CDH4: variants seen among roughly 807,000 people sequenced by gnomAD.
CDH4 encodes cadherin-4.
CDH4 carries 33 observed loss-of-function variants against 86.0 expected under a neutral mutation model. That is an observed-to-expected ratio of 0.38 (90% CI 0.29 to 0.51). CDH4 has a LOEUF of 0.51. Among genes scored for constraint, CDH4 ranks in the 20% least tolerant of loss-of-function variants. CDH4 has a pLI of 0.86. For synonymous variants in CDH4, 555 were observed against 549.4 expected (o/e 1.01, Z -0.14); for missense variants, 1,114 against 1,307.4 (o/e 0.85, Z 2.28).
intron 2 of CDH4, among the ~76,000 whole-genome samples, chr20:61,318,692 G>T (rs2084491465): frequency 6.6e-6 from 1 of 152,228 alleles, no homozygotes; most frequent in African/African-American, 2.4e-5. Flanking sequence ...GAAATTAGAA[G>T]CTCAGTGAGG....
chr20:61,621,743 T>C (rs560249006), intron 2 of CDH4, among the ~76,000 whole-genome samples: 3 of 152,356 alleles, frequency 2.0e-5, no homozygotes, highest in South Asian at 2.1e-4. Flanking sequence ...CACTGAGACA[T>C]AAGATGGCTT....
At chr20:61,291,919 C>T (rs2084323603) in intron 2 of CDH4, among the ~76,000 whole-genome samples, 1 of 152,156 alleles carries the variant, frequency 6.6e-6, no homozygotes, top group African/African-American at 2.4e-5. Flanking sequence ...TCAAGTAGCC[C>T]CCCGTGTCTG....
In CDH4 at chr20:61,590,876, T is replaced by TGGGG. The variant is rs71185923; in HGVS notation, c.170-152679_170-152676dup. ...CAAAGCCTTGTCTTCCCTAAATCTA[T>TGGGG]GGGGGGGGGGGTCCCCGGGTCTCCA... On this transcript the variant is annotated intron_variant, in intron 2 of 15. Coordinates refer to ENST00000614565, the MANE Select transcript of CDH4 (RefSeq NM_001794.5). Among the ~76,000 whole-genome samples, 27 of 137,448 alleles carry TGGGG rather than the reference T, an allele frequency of 2.0e-4. 2 individuals carry two copies. The highest frequency in any genetic ancestry group is 4.5e-4 in the East Asian group (2 of 4,478). 90.2% of individuals were successfully genotyped at this position (137,448 alleles called of 152,430 possible). A position where few individuals can be genotyped will look rare whatever the true frequency, so the allele number is the denominator to read the frequency against.
In CDH4 at chr20:61,924,323, G is replaced by C; in HGVS notation, c.1629-11G>C. 6.2e-7 allele frequency: 1 copy of C among 1,601,390 alleles called. No individual in the cohort carries two copies. Among genetic ancestry groups the C allele is most frequent in the Non-Finnish European group, 8.5e-7 (1 of 1,173,932 alleles). On this transcript the variant is annotated splice_polypyrimidine_tract_variant and intron_variant, in intron 10 of 15. Coordinates refer to ENST00000614565, the MANE Select transcript of CDH4 (RefSeq NM_001794.5). ...CAGCCTTACCTCCCCCTGCACTTGT[G>C]GTCTCCGCAGATACTCAAAGCTGTC...
chr20:61,578,064 C>G (rs1166140506), intron 2 of CDH4, among the ~76,000 whole-genome samples: 1 of 152,192 alleles, frequency 6.6e-6, no homozygotes, highest in African/African-American at 2.4e-5. Context: ...CTTGGCAAAT[C>G]TCTCTGTGTC....
chr20:61,753,069 AGTTCTGATGGGG>A (rs1373727121), intron 3 of CDH4, among the ~76,000 whole-genome samples: 2 of 152,114 alleles, frequency 1.3e-5, no homozygotes, highest in African/African-American at 4.8e-5. Flanking sequence ...AGAAGGTGGG[AGTTCTGATGGGG>A]GCACGTGGTA....
chr20:61,700,691 G>A, intron 2 of CDH4, among the ~76,000 whole-genome samples: 1 of 152,002 alleles, frequency 6.6e-6, no homozygotes, highest in South Asian at 2.1e-4. Context: ...CCTCCCTGTG[G>A]GGCCACACAT....
At chr20:61,261,700 C>A (rs74675855) in intron 2 of CDH4, among the ~76,000 whole-genome samples, 1 of 152,174 alleles carries the variant, frequency 6.6e-6, no homozygotes, top group Non-Finnish European at 1.5e-5. Context: ...ACCACTGTCA[C>A]GTGCAGACAG....
Position 61,544,597 on chromosome 20 carries a change from A to T in CDH4, c.170-198966A>T, listed in dbSNP as rs2086063793. Among the ~76,000 whole-genome samples, 2 of 151,838 alleles carry T rather than the reference A, an allele frequency of 1.3e-5. No homozygotes were observed. The highest frequency in any genetic ancestry group is 4.2e-4 in the South Asian group (2 of 4,792). ...GTTGACGGTGGCATGACCGTGTGTG[A>T]TGGGATGTGCCGGGGGCAGACAGGG... On this transcript the variant is annotated intron_variant, in intron 2 of 15. Transcript: ENST00000614565. The surrounding 1 kb of genome is among the most constrained non-coding windows in gnomAD (Gnocchi z 6.5).
chr20:61,716,239 G>C (rs1424602690), intron 2 of CDH4, among the ~76,000 whole-genome samples: 2 of 151,506 alleles, frequency 1.3e-5, no homozygotes, highest in African/African-American at 4.9e-5. Context: ...CTTGGCTGGA[G>C]CTATAAAGGG....
intron 2 of CDH4, among the ~76,000 whole-genome samples, chr20:61,539,235 G>A (rs902919089): frequency 4.6e-5 from 7 of 152,326 alleles, no homozygotes; most frequent in African/African-American, 1.4e-4. Context: ...TGAAGCCTCT[G>A]GGTCTCACCC....
chr20:61,364,119 C>T (rs192700503), intron 2 of CDH4, among the ~76,000 whole-genome samples: 5 of 152,306 alleles, frequency 3.3e-5, no homozygotes, highest in Admixed American at 6.5e-5. Flanking sequence ...AGGAAAAGGC[C>T]TGGCACCTTG....
At chr20:61,603,200 G>A (rs1359083529) in intron 2 of CDH4, among the ~76,000 whole-genome samples, 3 of 152,272 alleles carry the variant, frequency 2.0e-5, no homozygotes, top group East Asian at 1.9e-4. Context: ...GGGATGACAC[G>A]GAGTCCGTGT....
rs1348905842 is a variant in CDH4 at position 61,785,003 on chromosome 20, AAGCTCACTCG to A, written c.576+11824_576+11833del. Among the ~76,000 whole-genome samples the A allele has an allele frequency of 2.0e-5, 3 of 152,192 alleles. No homozygotes were observed. The East Asian group carries it at 5.8e-4, about 29-fold the overall frequency. ...ACCTGAGCCACGCTGGCCACTCCCC[AAGCTCACTCG>A]AGGTCGAAGCTGTGGCCGACGCTTG... On this transcript the variant is annotated intron_variant, in intron 4 of 15. Transcript: ENST00000614565.
intron 7 of CDH4, among the ~76,000 whole-genome samples, chr20:61,886,126 G>A (rs75553587): frequency 0.025 from 3,787 of 152,328 alleles, 148 homozygotes; most frequent in African/African-American, 0.085. Context: ...AGCAGGTGGG[G>A]GAGGCGTGCT....
chr20:61,587,865 C>G (rs2086490009), intron 2 of CDH4, among the ~76,000 whole-genome samples: 1 of 152,122 alleles, frequency 6.6e-6, no homozygotes, highest in African/African-American at 2.4e-5. Flanking sequence ...GTGTACAGTT[C>G]AAGCGATAAT....
Position 61,392,622 on chromosome 20 carries a change from T to C in CDH4, c.169+137685T>C, listed in dbSNP as rs1201467799. Among the ~76,000 whole-genome samples the C allele has an allele frequency of 2.6e-5, 4 of 152,156 alleles. No individual in the cohort carries two copies. Among genetic ancestry groups the C allele is most frequent in the East Asian group, 1.9e-4 (1 of 5,166 alleles). On this transcript the variant is annotated intron_variant, in intron 2 of 15. Transcript: ENST00000614565. This position sits in a 1 kb window ranked among gnomAD's most constrained non-coding sequence, Gnocchi z 5.7. ...AGCAGTGCCCCATAAAGGGGAAATA[T>C]GGTCCTATTACTTGGTAAAATGTTG...
At chr20:61,313,339 A>T (rs2084458042) in intron 2 of CDH4, among the ~76,000 whole-genome samples, 1 of 152,224 alleles carries the variant, frequency 6.6e-6, no homozygotes, top group Admixed American at 6.5e-5. Flanking sequence ...TGGCACCTGC[A>T]GCCGGGTGGG....
chr20:61,827,089 G>A (rs960592273), intron 4 of CDH4, among the ~76,000 whole-genome samples: 26 of 151,738 alleles, frequency 1.7e-4, no homozygotes, highest in African/African-American at 6.1e-4. Context: ...CAGGATAGAG[G>A]GGATAGAAAT....
Sources: gnomAD v4.1 joint callset for allele counts (sites outside exome capture counted in the v4.1 genomes callset) on GRCh38, gnomAD v4.1.1 for gene constraint, Gnocchi (gnomAD v3.1) non-coding constraint, MANE v1.5 for transcripts, NCBI Gene and HGNC (gene_info 2026-07-23, HGNC 2026-07-21) for gene names.